Variants in STARD3NL observed in about 807,000 individuals in gnomAD.
STARD3NL encodes the protein STARD3 N-terminal like.
A neutral mutation model predicts 30.9 loss-of-function variants in STARD3NL; 17 were observed. That is an observed-to-expected ratio of 0.55 (90% confidence interval 0.38 to 0.82). The LOEUF is 0.82. Among genes scored for constraint, STARD3NL ranks in the 40% least tolerant of loss-of-function variants. The pLI, the probability that STARD3NL is intolerant of heterozygous loss-of-function variation, is 0.00. For missense variants in STARD3NL, 234 were observed against 277.6 expected, an observed-to-expected ratio of 0.84 and a Z score of 1.12; for synonymous variants, 112 against 100.5, an observed-to-expected ratio of 1.11 and a Z score of -0.69.
At position 38,219,678 on chromosome 7, in the gene STARD3NL, T is replaced by C. The variant is rs904195904; in HGVS notation, c.649+18T>C. On this transcript the variant is annotated intron_variant, in intron 7 of 8. Coordinates refer to ENST00000009041, the MANE Select transcript of STARD3NL (RefSeq NM_032016.4). ...CGAAGCAGGTAAAAAACTTGATTAT[T>C]ATTTGTGCTTGTATCTCTCATTCAA... 6.3e-7 allele frequency: 1 copy of C among 1,599,636 alleles called. No individual in the cohort carries two copies. The highest frequency in any genetic ancestry group is 1.3e-5 in the African/African-American group (1 of 74,674).
At chr7:38,190,515 A>C (rs747037217) in intron 1 of STARD3NL, among the ~76,000 whole-genome samples, 3 of 152,232 alleles carry the variant, frequency 2.0e-5, no homozygotes, top group Non-Finnish European at 4.4e-5. Flanking sequence ...TGCCATCTCA[A>C]AACAGCCTTA....
At chr7:38,205,515 A>C (rs1399738884) in intron 1 of STARD3NL, among the ~76,000 whole-genome samples, 1 of 152,226 alleles carries the variant, frequency 6.6e-6, no homozygotes, top group East Asian at 1.9e-4. Flanking sequence ...TAGTGACTAT[A>C]CTGTGGCTAT....
intron 4 of STARD3NL, chr7:38,215,415 T>C (rs1167880393): frequency 8.2e-6 from 3 of 366,588 alleles, no homozygotes; most frequent in Non-Finnish European, 1.5e-5. Context: ...AGGAGACCTC[T>C]GTCACAGAGA....
chr7:38,219,968 C>T (rs1215963209), intron 7 of STARD3NL, among the ~76,000 whole-genome samples: 5 of 152,166 alleles, frequency 3.3e-5, no homozygotes, highest in Admixed American at 2.6e-4. Context: ...ACCAACCTCC[C>T]TCTAGGACTC....
At chr7:38,214,136 T>A (rs778689735) in intron 2 of STARD3NL, among the ~76,000 whole-genome samples, 1 of 152,274 alleles carries the variant, frequency 6.6e-6, no homozygotes, top group Non-Finnish European at 1.5e-5. Context: ...CCATTATTTT[T>A]CACTATACAT....
chr7:38,179,086 A>T (rs1273810299), intron 1 of STARD3NL: 1 of 152,192 alleles, frequency 6.6e-6, no homozygotes, highest in Admixed American at 6.5e-5. Flanking sequence ...CTTCTATTTC[A>T]CAGATGGAAT....
At chr7:38,188,967 A>G (rs1008071152) in intron 1 of STARD3NL, among the ~76,000 whole-genome samples, 2 of 152,200 alleles carry the variant, frequency 1.3e-5, no homozygotes, top group Non-Finnish European at 2.9e-5. Context: ...CATTGATGTT[A>G]ATTTCTAAAT....
chr7:38,202,385 G>A (rs534568659), intron 1 of STARD3NL, among the ~76,000 whole-genome samples: 42 of 152,262 alleles, frequency 2.8e-4, no homozygotes, highest in Non-Finnish European at 5.1e-4. Flanking sequence ...GCTGCTTAGG[G>A]TTCTGAGGAC....
intron 1 of STARD3NL, among the ~76,000 whole-genome samples, chr7:38,181,566 A>G (rs139091059): frequency 1.6e-3 from 251 of 152,284 alleles, no homozygotes; most frequent in African/African-American, 5.5e-3. Context: ...TACTTTCTGT[A>G]TGTCTTTTTG....
intron 3 of STARD3NL, among the ~76,000 whole-genome samples, chr7:38,214,763 A>G (rs925039166): frequency 6.6e-6 from 1 of 152,182 alleles, no homozygotes; most frequent in Non-Finnish European, 1.5e-5. Context: ...AAATTCACCT[A>G]TTTGTATAAT....
intron 1 of STARD3NL, chr7:38,198,109 T>C (rs1785008279): frequency 1.3e-5 from 2 of 152,324 alleles, no homozygotes; most frequent in Admixed American, 1.3e-4. Context: ...CTTCTTGATG[T>C]GTCTCCTACT....
intron 1 of STARD3NL, among the ~76,000 whole-genome samples, chr7:38,197,826 A>T (rs189036127): frequency 1.1e-4 from 17 of 152,268 alleles, no homozygotes; most frequent in Admixed American, 1.0e-3. Flanking sequence ...TCTTTCTCAT[A>T]CTAGCAAGGT....
intron 8 of STARD3NL, among the ~76,000 whole-genome samples, chr7:38,229,562 G>A (rs918948355): frequency 3.9e-5 from 6 of 152,292 alleles, no homozygotes; most frequent in South Asian, 2.1e-4. Context: ...ACCACAGAAG[G>A]AAAAAGCTGC....
chr7:38,223,661 C>T (rs1054862101), intron 7 of STARD3NL, among the ~76,000 whole-genome samples: 1 of 151,988 alleles, frequency 6.6e-6, no homozygotes, highest in African/African-American at 2.4e-5. Flanking sequence ...CAGCAGTGTT[C>T]TTGTTTAGAT....
intron 7 of STARD3NL, among the ~76,000 whole-genome samples, chr7:38,228,172 A>G (rs1055487069): frequency 6.6e-6 from 1 of 152,254 alleles, no homozygotes; most frequent in African/African-American, 2.4e-5. Flanking sequence ...CTACAGTATT[A>G]ACCTTTCTTC....
At chr7:38,216,949 G>A in intron 4 of STARD3NL, 76 bp from the exon 5 acceptor site, 1 of 1,556,698 alleles carries the variant, frequency 6.4e-7, no homozygotes, top group Non-Finnish European at 8.8e-7. Flanking sequence ...GCTCAGACGG[G>A]TCTCTTGTGA....
chr7:38,204,487 T>C (rs1233850225), intron 1 of STARD3NL, among the ~76,000 whole-genome samples: 2 of 152,118 alleles, frequency 1.3e-5, no homozygotes, highest in Non-Finnish European at 2.9e-5. Flanking sequence ...TTTAAAGCAG[T>C]GTGTAGAGGG....
At chr7:38,226,159 T>G (rs77384394) in intron 7 of STARD3NL, among the ~76,000 whole-genome samples, 1,930 of 132,092 alleles carry the variant, frequency 0.015, 16 homozygotes, top group Non-Finnish European at 0.022. Flanking sequence ...CTTGTTTTTT[T>G]TTTTTTTTTT....
intron 1 of STARD3NL, among the ~76,000 whole-genome samples, chr7:38,200,344 A>G (rs1174083183): frequency 2.0e-5 from 3 of 152,150 alleles, no homozygotes; most frequent in African/African-American, 7.2e-5. Context: ...TGTCGCTTCA[A>G]GGCTGGTGAA....
Sources: allele counts gnomAD v4.1 joint callset (sites outside exome capture counted in the v4.1 genomes callset), GRCh38; gene constraint gnomAD v4.1.1; transcripts MANE v1.5; gene names NCBI Gene and HGNC (gene_info 2026-07-23, HGNC 2026-07-21).